Variants in RCBTB2 observed in about 807,000 individuals in gnomAD.
RCBTB2 encodes RCC1 and BTB domain containing protein 2, also known as RCC1 and BTB domain-containing protein 2.
Under a neutral mutation model 65.4 loss-of-function variants are expected in RCBTB2, and 55 were observed. The ratio of observed to expected loss-of-function variants is 0.84; its 90% confidence interval spans 0.68 to 1.05. The LOEUF is 1.05. Ranked by LOEUF, RCBTB2 falls within the 50% of genes least tolerant of loss-of-function variation. RCBTB2 has a pLI of 0.00. For missense variants in RCBTB2, 599 were observed against 680.1 expected (o/e 0.88, Z 1.33); for synonymous variants, 220 against 255.2 (o/e 0.86, Z 1.31).
At chr13:48,518,482 T>C (rs1380762722) in intron 4 of RCBTB2, among the ~76,000 whole-genome samples, 1 of 145,174 alleles carries the variant, frequency 6.9e-6, no homozygotes, top group African/African-American at 2.5e-5. Flanking sequence ...AATATATATA[T>C]ATATATATAT....
chr13:48,528,925 C>G, intron 1 of RCBTB2, among the ~76,000 whole-genome samples: 1 of 152,142 alleles, frequency 6.6e-6, no homozygotes, highest in Non-Finnish European at 1.5e-5. Flanking sequence ...TCATGAAAAA[C>G]AGAAAACTGT....
chr13:48,501,642 A>C lies in RCBTB2; in HGVS notation c.1244+100T>G, dbSNP rs542290885. 52 of 985,320 alleles carry C rather than the reference A, an allele frequency of 5.3e-5. 1 individual carries two copies. The African/African-American group carries it at 7.6e-4, about 14-fold the overall frequency. The allele number at this position is 985,320 out of a possible 1,614,324, so 61.0% of individuals were successfully genotyped here. A position where few individuals can be genotyped will look rare whatever the true frequency, so the allele number is the denominator to read the frequency against. On this transcript the variant is annotated intron_variant, in intron 12 of 14. Transcript: ENST00000344532. ...CTTGTAAGAGCAAAAACAGCCTTAC[A>C]ATTTTTCTTGATTACTGAGGTGCCT...
intron 4 of RCBTB2, among the ~76,000 whole-genome samples, chr13:48,519,870 C>T (rs923752479): frequency 6.6e-6 from 1 of 152,030 alleles, no homozygotes; most frequent in Non-Finnish European, 1.5e-5. Context: ...CATGTATTTG[C>T]ATTTTTTGAA....
intron 4 of RCBTB2, among the ~76,000 whole-genome samples, chr13:48,518,472 A>AATATATATATATATATAT (rs779789935): frequency 4.3e-5 from 5 of 116,618 alleles, no homozygotes; most frequent in African/African-American, 1.5e-4. Flanking sequence ...AAAAAAAAAA[A>AATATATATATATATATAT]ATATATATAT....
Position 48,502,797 on chromosome 13 carries a change from G to A in RCBTB2, c.1044C>T (p.Thr348=), listed in dbSNP as rs150478484. Residue 348 remains threonine, a synonymous_variant, in exon 11 of 15, where the codon ACC becomes ACT. Transcript: ENST00000344532. The part of the protein sequence containing the change: ...RGQSVILPHL[T]HFSCTDDVFA... ...ACACGTCGTCAGTGCAGGAGAAGTG[G>A]GTGAGGTGCGGGAGGATCACGGACT... is the stretch of plus-strand genomic sequence containing the variant. 1.1e-3 allele frequency: 1,781 copies of A among 1,614,212 alleles called. 18 individuals carry two copies. In the African/African-American group the frequency reaches 0.021, roughly 19 times the overall value.
chr13:48,534,838 T>G (rs1952339645), upstream of RCBTB2, among the ~76,000 whole-genome samples: 1 of 152,266 alleles, frequency 6.6e-6, no homozygotes, highest in South Asian at 2.1e-4. Context: ...ATTTAGACTC[T>G]GAGAGAGTAT....
chr13:48,523,955 T>C (rs1325891427), intron 2 of RCBTB2, among the ~76,000 whole-genome samples: 2 of 152,202 alleles, frequency 1.3e-5, no homozygotes, highest in African/African-American at 2.4e-5. Flanking sequence ...AGAAATGACA[T>C]GCAGGATTCA....
At chr13:48,500,426 TG>T (rs1950183543) in intron 12 of RCBTB2, among the ~76,000 whole-genome samples, 1 of 151,982 alleles carries the variant, frequency 6.6e-6, no homozygotes, top group Non-Finnish European at 1.5e-5. Flanking sequence ...GGCATGGTGG[TG>T]TGCGCCTGTA....
chr13:48,529,823 A>G (rs1342989676), intron 1 of RCBTB2, among the ~76,000 whole-genome samples: 1 of 152,072 alleles, frequency 6.6e-6, no homozygotes, highest in African/African-American at 2.4e-5. Context: ...CCTTAATGTC[A>G]CTCTGTAACC....
chr13:48,522,171 C>A (rs756445353), intron 3 of RCBTB2, 137 bp downstream of exon 3: 21 of 722,372 alleles, frequency 2.9e-5, no homozygotes, highest in Admixed American at 2.0e-4. Context: ...TGGATGGCCT[C>A]TTACGGGAAT....
chr13:48,504,385 C>T (rs768510734), intron 10 of RCBTB2: 355 of 957,538 alleles, frequency 3.7e-4, no homozygotes, highest in Middle Eastern at 5.3e-4. Context: ...ATTTTGTCCA[C>T]ACACCCTGTT....
chr13:48,527,352 G>GT (rs1951830443), intron 1 of RCBTB2, among the ~76,000 whole-genome samples: 2 of 119,360 alleles, frequency 1.7e-5, no homozygotes, highest in African/African-American at 9.4e-5. Context: ...ATATATATAT[G>GT]ATATATATTT....
At position 48,531,129 on chromosome 13, in the gene RCBTB2, T is replaced by A. The variant is rs569384285; in HGVS notation, c.-219+1899A>T. ...ACCTAATATACAAATATGTTTTTTATCATTCTTTGCTAGAATGTAAGCTCC... is the reference window on the plus strand; with the variant it reads ...ACCTAATATACAAATATGTTTTTTAACATTCTTTGCTAGAATGTAAGCTCC... On this transcript the variant is annotated intron_variant, in intron 1 of 14. Transcript: ENST00000344532. Among the ~76,000 whole-genome samples the A allele has an allele frequency of 2.0e-5, 3 of 152,364 alleles. No homozygotes were observed. In the East Asian group the frequency reaches 5.8e-4, roughly 29 times the overall value.
intron 1 of RCBTB2, 169 bp downstream of exon 1, chr13:48,532,859 C>T (rs1952244630): frequency 5.2e-6 from 2 of 387,684 alleles, no homozygotes; most frequent in African/African-American, 2.1e-5. Context: ...GACGCCTAGG[C>T]CTGTGGCACG....
chr13:48,529,936 AC>A (rs1952013521), intron 1 of RCBTB2, among the ~76,000 whole-genome samples: 1 of 152,068 alleles, frequency 6.6e-6, no homozygotes, highest in Admixed American at 6.6e-5. Flanking sequence ...TATTGCCCAG[AC>A]TGGAGTGCAA....
intron 14 of RCBTB2, among the ~76,000 whole-genome samples, chr13:48,495,063 A>C (rs1397773805): frequency 6.6e-6 from 1 of 152,188 alleles, no homozygotes; most frequent in Non-Finnish European, 1.5e-5. Context: ...ACAGAAAAAA[A>C]GTTATAACCT....
In RCBTB2 at chr13:48,493,225, TCACACACACA is replaced by T. The variant is rs3085589; in HGVS notation, c.1515+2956_1515+2965del. Among the ~76,000 whole-genome samples, 5 of 109,126 alleles carry T rather than the reference TCACACACACA, an allele frequency of 4.6e-5. No individual in the cohort carries two copies. In the East Asian group the frequency reaches 1.0e-3, roughly 22 times the overall value. The allele number at this position is 109,126 out of a possible 152,430, so 71.6% of individuals were successfully genotyped here. On this transcript the variant is annotated intron_variant, in intron 14 of 14. Coordinates refer to ENST00000344532, the MANE Select transcript of RCBTB2 (RefSeq NM_001268.4). ...TATACAGCCTCCTAAGTACCCTCCTTCACACACACACACACACACACACACACACACACAC... is the reference window on the plus strand; with the variant it reads ...TATACAGCCTCCTAAGTACCCTCCTTCACACACACACACACACACACACAC...
At position 48,525,597 on chromosome 13, in the gene RCBTB2, T is replaced by C. The variant is rs560808806; in HGVS notation, c.-218-840A>G. Among the ~76,000 whole-genome samples the C allele has an allele frequency of 2.6e-5, 4 of 151,886 alleles. No homozygotes were observed. In the East Asian group the frequency reaches 7.7e-4, roughly 29 times the overall value. On this transcript the variant is annotated intron_variant, in intron 1 of 14. Transcript: ENST00000344532. ...GAAAATGCTGATCTCAGCCCACTAA[T>C]TTCCAGATCACTAACAAGTCCTGCA...
At chr13:48,507,293 G>A (rs1312365661) in intron 10 of RCBTB2, among the ~76,000 whole-genome samples, 1 of 152,256 alleles carries the variant, frequency 6.6e-6, no homozygotes, top group Non-Finnish European at 1.5e-5. Context: ...CAACCGCTAA[G>A]GAATCCTGCC....
Sources: gnomAD v4.1 joint callset for allele counts (sites outside exome capture counted in the v4.1 genomes callset) on GRCh38, gnomAD v4.1.1 for gene constraint, MANE v1.5 for transcripts, NCBI Gene and HGNC (gene_info 2026-07-23, HGNC 2026-07-21) for gene names.